COL26A1: variants seen among roughly 807,000 people sequenced by gnomAD.
COL26A1 encodes collagen type XXVI alpha 1 chain, also known as collagen alpha-1(XXVI) chain.
Under a neutral mutation model 59.3 loss-of-function variants are expected in COL26A1, and 41 were observed. The observed-to-expected ratio is 0.69, with a 90% CI of 0.54 to 0.90. The LOEUF is 0.90. Ranked by LOEUF, COL26A1 falls within the 40% of genes least tolerant of loss-of-function variation. COL26A1 has a pLI of 0.00. For synonymous variants in COL26A1, 266 were observed against 256.0 expected (o/e 1.04, Z -0.37); for missense variants, 612 against 602.3 (o/e 1.02, Z -0.17).
intron 1 of COL26A1, among the ~76,000 whole-genome samples, chr7:101,368,645 T>A (rs1791106174): frequency 6.6e-6 from 1 of 152,158 alleles, no homozygotes; most frequent in East Asian, 1.9e-4. Flanking sequence ...AAAGGCATGG[T>A]AACTTCCGGG....
Position 101,394,101 on chromosome 7 carries a change from C to T in COL26A1, c.159-25876C>T, listed in dbSNP as rs1488183348. ...CTGGGAACCAATGCTTATTGAGCACCTACTGTGTACTAGGCTTAGAGCTAG... is the reference window on the plus strand; with the variant it reads ...CTGGGAACCAATGCTTATTGAGCACTTACTGTGTACTAGGCTTAGAGCTAG... On this transcript the variant is annotated intron_variant, in intron 1 of 12. Coordinates refer to ENST00000313669, the MANE Select transcript of COL26A1 (RefSeq NM_001278563.3). Among the ~76,000 whole-genome samples the T allele has an allele frequency of 4.6e-5, 7 of 151,896 alleles. No homozygotes were observed. The East Asian group carries it at 1.4e-3, about 29-fold the overall frequency.
intron 1 of COL26A1, among the ~76,000 whole-genome samples, chr7:101,372,606 A>G (rs2117009914): frequency 6.6e-6 from 1 of 152,336 alleles, no homozygotes; most frequent in African/African-American, 2.4e-5. Context: ...AGCTTGAGGC[A>G]GTGACTGGGG....
chr7:101,511,194 A>G (rs1057182032), intron 3 of COL26A1, among the ~76,000 whole-genome samples: 1 of 151,838 alleles, frequency 6.6e-6, no homozygotes, highest in African/African-American at 2.4e-5. Context: ...GAGCCACCGC[A>G]CCCGGCCCAT....
intron 11 of COL26A1, among the ~76,000 whole-genome samples, chr7:101,554,023 T>C (rs761760232): frequency 1.7e-4 from 25 of 150,542 alleles, no homozygotes; most frequent in Non-Finnish European, 3.6e-4. Context: ...AAAGTCAAAT[T>C]CCTCCCCTCA....
intron 3 of COL26A1, among the ~76,000 whole-genome samples, chr7:101,520,171 G>A (rs1795110010): frequency 6.6e-6 from 1 of 152,132 alleles, no homozygotes; most frequent in South Asian, 2.1e-4. Flanking sequence ...GCTGAGTAGA[G>A]ACCACCATTG....
At chr7:101,392,397 CTT>C (rs34053990) in intron 1 of COL26A1, among the ~76,000 whole-genome samples, 131 of 86,608 alleles carry the variant, frequency 1.5e-3, no homozygotes, top group South Asian at 3.2e-3. Flanking sequence ...AACAACCAGG[CTT>C]TTTTTTTTTT....
At chr7:101,391,308 A>AT (rs896907212) in intron 1 of COL26A1, among the ~76,000 whole-genome samples, 14 of 151,616 alleles carry the variant, frequency 9.2e-5, no homozygotes, top group Admixed American at 5.9e-4. Flanking sequence ...CCGGGATTCT[A>AT]TTTTTTTTAT....
chr7:101,511,307 A>C (rs1295044202), intron 3 of COL26A1, among the ~76,000 whole-genome samples: 1 of 152,192 alleles, frequency 6.6e-6, no homozygotes, highest in South Asian at 2.1e-4. Context: ...GGCCACACCA[A>C]ACCCTTTAGA....
At chr7:101,515,370 C>T (rs927999542) in intron 3 of COL26A1, among the ~76,000 whole-genome samples, 3 of 151,754 alleles carry the variant, frequency 2.0e-5, no homozygotes, top group African/African-American at 7.3e-5. Flanking sequence ...CTGCAACCTA[C>T]AACTTCTGGT....
intron 4 of COL26A1, 94 bp from the exon 5 acceptor site, chr7:101,539,799 T>C (rs1795568551): frequency 3.8e-5 from 49 of 1,274,506 alleles, no homozygotes; most frequent in South Asian, 3.3e-4. Flanking sequence ...CAGCTGCAGG[T>C]CTCATGGGGT....
chr7:101,392,220 T>A (rs983054982), intron 1 of COL26A1, among the ~76,000 whole-genome samples: 7 of 152,082 alleles, frequency 4.6e-5, no homozygotes, highest in African/African-American at 1.7e-4. Flanking sequence ...GGAGGGTTAC[T>A]CCAGGTTGCA....
chr7:101,523,138 C>A (rs942360427), intron 3 of COL26A1, among the ~76,000 whole-genome samples: 1 of 150,842 alleles, frequency 6.6e-6, no homozygotes, highest in Non-Finnish European at 1.5e-5. Flanking sequence ...GGCACGATCT[C>A]GGCTCACCAC....
chr7:101,419,092 TC>T (rs1562970028), intron 1 of COL26A1, among the ~76,000 whole-genome samples: 1,446 of 29,362 alleles, frequency 0.049, 62 homozygotes, highest in African/African-American at 0.15. Context: ...TCCCCTCCCC[TC>T]CCCTCCCCTC....
At chr7:101,414,164 G>A (rs1347565369) in intron 1 of COL26A1, among the ~76,000 whole-genome samples, 1 of 152,114 alleles carries the variant, frequency 6.6e-6, no homozygotes, top group Non-Finnish European at 1.5e-5. Context: ...TTTTGGCCAA[G>A]TTTTGATTTT....
intron 1 of COL26A1, among the ~76,000 whole-genome samples, chr7:101,410,000 T>C (rs1488214504): frequency 2.0e-5 from 3 of 152,094 alleles, no homozygotes; most frequent in Non-Finnish European, 4.4e-5. Context: ...GACCTCATGA[T>C]CCACCCGCCT....
intron 3 of COL26A1, among the ~76,000 whole-genome samples, chr7:101,505,810 T>C (rs937014849): frequency 6.6e-6 from 1 of 152,206 alleles, no homozygotes; most frequent in African/African-American, 2.4e-5. Flanking sequence ...CCAGGATCAA[T>C]ACTTTGCATC....
chr7:101,486,329 C>A (rs919656615), intron 3 of COL26A1, among the ~76,000 whole-genome samples: 10 of 152,344 alleles, frequency 6.6e-5, no homozygotes, highest in South Asian at 2.1e-4. Context: ...CACGTCCCCC[C>A]CAACCCCACA....
chr7:101,463,231 A>G (rs1411197141), intron 3 of COL26A1, among the ~76,000 whole-genome samples: 1 of 152,178 alleles, frequency 6.6e-6, no homozygotes, highest in East Asian at 1.9e-4. Context: ...TGCAAATTCT[A>G]TGAATTTTGG....
At chr7:101,520,633 TACACACACACACAC>T (rs3073377) in intron 3 of COL26A1, among the ~76,000 whole-genome samples, 1 of 137,222 alleles carries the variant, frequency 7.3e-6, no homozygotes, top group Non-Finnish European at 1.5e-5. Flanking sequence ...CACAGACACA[TACACACACACACAC>T]ACACACACAC....
Sources: gnomAD v4.1 joint callset for allele counts (sites outside exome capture counted in the v4.1 genomes callset) on GRCh38, gnomAD v4.1.1 for gene constraint, MANE v1.5 for transcripts, NCBI Gene and HGNC (gene_info 2026-07-23, HGNC 2026-07-21) for gene names.